The following RUFY1 variants were observed in gnomAD, a reference collection of about 807,000 sequenced individuals.
RUFY1 encodes RUN and FYVE domain-containing protein 1.
Under a neutral mutation model 94.6 loss-of-function variants are expected in RUFY1, and 54 were observed. The ratio of observed to expected loss-of-function variants is 0.57; its 90% CI spans 0.46 to 0.72. RUFY1 has a LOEUF of 0.72. Among genes scored for constraint, RUFY1 ranks in the 30% least tolerant of loss-of-function variants. The pLI, the probability that RUFY1 is intolerant of heterozygous loss-of-function variation, is 0.00. For missense variants in RUFY1, 883 were observed against 883.9 expected (o/e 1.00, Z 0.01); for synonymous variants, 396 against 347.3 (o/e 1.14, Z -1.56).
intron 17 of RUFY1, among the ~76,000 whole-genome samples, chr5:179,607,998 C>G (rs547677891): frequency 1.3e-5 from 2 of 152,312 alleles, no homozygotes; most frequent in Non-Finnish European, 2.9e-5. Flanking sequence ...GGAACAAAAT[C>G]TGGCCCAACT....
rs188892922 is a variant in RUFY1, at chr5:179,603,914, G to A, written c.1856+1928G>A. Among the ~76,000 whole-genome samples, 95 of 152,216 alleles carry A rather than the reference G, an allele frequency of 6.2e-4. No individual in the cohort carries two copies. In the East Asian group the frequency reaches 0.014, roughly 23 times the overall value. ...CTCTACTAAAAATATAAAATTAGCC[G>A]GGCATGGTGGAGCGCGCCTGTAATC... On this transcript the variant is annotated intron_variant, in intron 15 of 17. Coordinates refer to ENST00000319449, the MANE Select transcript of RUFY1 (RefSeq NM_025158.5).
Position 179,596,698 on chromosome 5 carries a change from G to A in RUFY1, c.1631+17G>A, listed in dbSNP as rs1278564000. ...CGAGCAATGGTAGGGGCCCTGCAGG[G>A]AGCCTGGGCTGGGGTGTGGCTCAGG... On this transcript the variant is annotated intron_variant, in intron 13 of 17. Coordinates refer to ENST00000319449, the MANE Select transcript of RUFY1 (RefSeq NM_025158.5). 1 of 1,570,012 alleles carries A rather than the reference G, an allele frequency of 6.4e-7. No homozygotes were observed. Among genetic ancestry groups the A allele is most frequent in the East Asian group, 2.3e-5 (1 of 44,262 alleles).
At chr5:179,592,187 T>C (rs1331082262) in intron 10 of RUFY1, among the ~76,000 whole-genome samples, 1 of 151,654 alleles carries the variant, frequency 6.6e-6, no homozygotes. Flanking sequence ...TGGTGTGATC[T>C]CGGCTCACTG....
In RUFY1 at chr5:179,569,228, A is replaced by G. The variant is rs575742902; in HGVS notation, c.705-74A>G. 1.3e-5 allele frequency: 21 copies of G among 1,607,642 alleles called. No homozygotes were observed. In the Admixed American group the frequency reaches 2.0e-4, roughly 15 times the overall value. ...GGCTCCAGGGCACAGGTGAAAAGGC[A>G]GTTCAGGGTGGGGAAGGAGTGGGGA... On this transcript the variant is annotated intron_variant, in intron 4 of 17. Coordinates refer to ENST00000319449, the MANE Select transcript of RUFY1 (RefSeq NM_025158.5).
At chr5:179,597,623 C>T (rs906160636) in intron 13 of RUFY1, among the ~76,000 whole-genome samples, 2 of 152,192 alleles carry the variant, frequency 1.3e-5, no homozygotes, top group African/African-American at 4.8e-5. Flanking sequence ...CCACCCGTCT[C>T]GGCCTCCCAG....
intron 3 of RUFY1, among the ~76,000 whole-genome samples, chr5:179,565,598 A>G (rs546746660): frequency 7.9e-6 from 1 of 125,852 alleles, no homozygotes; most frequent in East Asian, 4.2e-4. Flanking sequence ...TAGATTTTAA[A>G]TCTCTTTGTG....
intron 5 of RUFY1, among the ~76,000 whole-genome samples, chr5:179,569,754 G>T (rs368103791): frequency 6.8e-6 from 1 of 147,732 alleles, no homozygotes; most frequent in Non-Finnish European, 1.5e-5. Context: ...TTTTGTTGTT[G>T]TTTTTTTTGA....
Position 179,560,115 on chromosome 5 carries a change from T to C in RUFY1, c.401T>C (p.Leu134Pro). ...GTGTTGCTCCAGTCGGCTCTGAGCC[T>C]GGGCCGCAGCCTGGATGCGGACCAT... ...IKVLLQSALS[L>P]GRSLDADHAP... is the part of the protein sequence containing the mutation. Residue 134 changes from leucine (L) to proline (P), a missense_variant, in exon 2 of 18, where the codon CTG becomes CCG. Leu to Pro is a moderately conservative substitution (Grantham distance 98, BLOSUM62 -3). Coordinates refer to ENST00000319449, the MANE Select transcript of RUFY1 (RefSeq NM_025158.5). 8 of 1,614,078 alleles carry C rather than the reference T, an allele frequency of 5.0e-6. No homozygotes were observed. Among genetic ancestry groups the C allele is most frequent in the Non-Finnish European group, 5.1e-6 (6 of 1,180,002 alleles).
chr5:179,553,718 A>C (rs1482481976), intron 1 of RUFY1, among the ~76,000 whole-genome samples: 1 of 152,148 alleles, frequency 6.6e-6, no homozygotes, highest in Non-Finnish European at 1.5e-5. Context: ...TGAACATAAG[A>C]GGCGGAGTTT....
In RUFY1 at chr5:179,572,621, C is replaced by A. The variant is rs73809475; in HGVS notation, c.828+3196C>A. 5.3e-3 allele frequency: 1,132 copies of A among 213,666 alleles called. 16 individuals carry two copies. The highest frequency in any genetic ancestry group is 0.023 in the African/African-American group (974 of 42,516). 13.2% of individuals were successfully genotyped at this position (213,666 alleles called of 1,614,324 possible). Reference sequence around the variant, plus strand: ...GTGCTCCATGGATGAGGCTCTGCAGCTGGTCCAGGCATTCCAGTACGCAGA... The same window carrying A: ...GTGCTCCATGGATGAGGCTCTGCAGATGGTCCAGGCATTCCAGTACGCAGA... On this transcript the variant is annotated intron_variant, in intron 5 of 17. Coordinates refer to ENST00000319449, the MANE Select transcript of RUFY1 (RefSeq NM_025158.5).
intron 13 of RUFY1, among the ~76,000 whole-genome samples, chr5:179,597,290 C>T (rs970615319): frequency 2.0e-5 from 3 of 151,984 alleles, no homozygotes; most frequent in South Asian, 2.1e-4. Flanking sequence ...GGCTGGAGTG[C>T]GGTGGCGCGA....
At chr5:179,559,017 C>G (rs1238628216) in intron 1 of RUFY1, among the ~76,000 whole-genome samples, 1 of 152,200 alleles carries the variant, frequency 6.6e-6, no homozygotes, top group Non-Finnish European at 1.5e-5. Context: ...TATTTAACCT[C>G]AGTAGTAATT....
At chr5:179,571,924 AT>A (rs1021020051) in intron 5 of RUFY1, among the ~76,000 whole-genome samples, 19 of 147,704 alleles carry the variant, frequency 1.3e-4, no homozygotes, top group African/African-American at 4.7e-4. Flanking sequence ...TTTGTTATAA[AT>A]TTTTTTTCTG....
intron 3 of RUFY1, among the ~76,000 whole-genome samples, chr5:179,564,681 A>T (rs943763197): frequency 8.1e-5 from 12 of 147,264 alleles, no homozygotes; most frequent in Non-Finnish European, 1.4e-4. Context: ...CTCAAAAAAA[A>T]AAAGAAAAAA....
At chr5:179,555,621 C>CTTTTT (rs10556244) in intron 1 of RUFY1, 248 of 249,660 alleles carry the variant, frequency 9.9e-4, no homozygotes, top group African/African-American at 2.6e-3. Context: ...AAACTCCCAA[C>CTTTTT]TTTTTTTTTT....
intron 13 of RUFY1, chr5:179,598,381 A>G (rs1765904227): frequency 3.2e-6 from 1 of 312,728 alleles, no homozygotes; most frequent in Non-Finnish European, 6.0e-6. Flanking sequence ...AAAAGAACGA[A>G]TTTTGAGCTT....
Position 179,593,633 on chromosome 5 carries a change from T to C in RUFY1, c.1401T>C (p.Phe467=). The change falls in exon 11 of 18, where the codon TTT becomes TTC. Residue 467 remains phenylalanine (F), a synonymous_variant. Coordinates refer to ENST00000319449, the MANE Select transcript of RUFY1 (RefSeq NM_025158.5). ...TCAAAGCGATTAATTTACAGATGTT[T>C]CACAAAGCTCAGGTGGGAGTTGGCT... ...EEVKAINLQM[F]HKAQNAESSL... 2 of 1,613,928 alleles carry C rather than the reference T, an allele frequency of 1.2e-6. No homozygotes were observed. Among genetic ancestry groups the C allele is most frequent in the Non-Finnish European group, 8.5e-7 (1 of 1,179,842 alleles).
At chr5:179,595,061 G>A (rs1765483627) in intron 12 of RUFY1, 98 bp downstream of exon 12, 1 of 864,756 alleles carries the variant, frequency 1.2e-6, no homozygotes, top group Non-Finnish European at 1.9e-6. Context: ...GCAGGGGAGA[G>A]GCTGGGCGCG....
At chr5:179,596,370 G>A (rs1276590347) in intron 12 of RUFY1, 192 bp from the exon 13 acceptor site, 6 of 724,934 alleles carry the variant, frequency 8.3e-6, no homozygotes, top group Non-Finnish European at 1.5e-5. Context: ...GCCAGGGGCT[G>A]AGGTGGGGAG....
Sources: allele counts gnomAD v4.1 joint callset (sites outside exome capture counted in the v4.1 genomes callset), GRCh38; gene constraint gnomAD v4.1.1; transcripts MANE v1.5; gene names NCBI Gene and HGNC (gene_info 2026-07-23, HGNC 2026-07-21).